Variants in GRIP1 observed in about 807,000 individuals in gnomAD.
GRIP1 encodes glutamate receptor interacting protein 1, also known as glutamate receptor-interacting protein 1.
A neutral mutation model predicts 129.9 loss-of-function variants in GRIP1; 45 were observed. The ratio of observed to expected loss-of-function variants is 0.35; its 90% CI spans 0.27 to 0.44. GRIP1 has a LOEUF of 0.44. GRIP1 is among the 20% of genes least tolerant of loss of function. The probability of loss-of-function intolerance (pLI) is 1.00; values close to 1 mark genes in which losing one functional copy is unlikely to be tolerated. For missense variants in GRIP1, 1,196 were observed against 1,396.8 expected, an observed-to-expected ratio of 0.86 and a Z score of 2.29; for synonymous variants, 530 against 520.8, an observed-to-expected ratio of 1.02 and a Z score of -0.24.
chr12:66,953,201 T>A (rs1360375679), intron 1 of GRIP1, among the ~76,000 whole-genome samples: 1 of 152,178 alleles, frequency 6.6e-6, no homozygotes, highest in Non-Finnish European at 1.5e-5. Context: ...TGTCTACCAT[T>A]TGTCACAAGT....
At chr12:66,870,650 C>T (rs1359849621) in intron 1 of GRIP1, among the ~76,000 whole-genome samples, 1 of 152,022 alleles carries the variant, frequency 6.6e-6, no homozygotes, top group Non-Finnish European at 1.5e-5. Context: ...AATTTGAGCA[C>T]GGACATGAAG....
intron 1 of GRIP1, among the ~76,000 whole-genome samples, chr12:66,914,602 T>C (rs902597042): frequency 6.6e-6 from 1 of 152,190 alleles, no homozygotes; most frequent in African/African-American, 2.4e-5. Context: ...AAATAAGCAT[T>C]ATGATAGGGA....
chr12:66,810,568 AAG>A (rs1304693681), intron 1 of GRIP1, among the ~76,000 whole-genome samples: 2 of 144,782 alleles, frequency 1.4e-5, no homozygotes, highest in Non-Finnish European at 1.5e-5. Flanking sequence ...AAGGAAAAAA[AAG>A]AGTTTTTACT....
intron 1 of GRIP1, among the ~76,000 whole-genome samples, chr12:66,971,478 T>C (rs575942970): frequency 1.3e-5 from 2 of 152,318 alleles, no homozygotes; most frequent in African/African-American, 4.8e-5. Context: ...AGAGAAAAAT[T>C]GATTCACTCA....
At position 66,538,284 on chromosome 12, in the gene GRIP1, C is replaced by T. The variant is rs185706449; in HGVS notation, c.418+794G>A. Among the ~76,000 whole-genome samples the T allele has an allele frequency of 4.6e-5, 7 of 151,838 alleles. No homozygotes were observed. The East Asian group carries it at 9.7e-4, about 21-fold the overall frequency. On this transcript the variant is annotated intron_variant, in intron 4 of 24. Coordinates refer to ENST00000359742, the MANE Select transcript of GRIP1 (RefSeq NM_001366722.1). The stretch of plus-strand genomic sequence containing the variant: ...ACACAATCATAGCTCACTGCAGCCT[C>T]GACCTTCTGGGCTCAAGGAATCCTT...
intron 2 of GRIP1, among the ~76,000 whole-genome samples, chr12:66,569,471 C>T (rs34013266): frequency 0.24 from 35,143 of 149,292 alleles, 4,350 homozygotes; most frequent in Admixed American, 0.27. Flanking sequence ...AGTGAGACTT[C>T]GTCTGAAAAA....
At chr12:67,039,284 A>G (rs2043142045) in intron 1 of GRIP1, among the ~76,000 whole-genome samples, 2 of 152,210 alleles carry the variant, frequency 1.3e-5, no homozygotes, top group Admixed American at 1.3e-4. Flanking sequence ...TCTGAGGAAC[A>G]TGTTTAGGTA....
chr12:66,795,988 T>C (rs2038684809), intron 1 of GRIP1, among the ~76,000 whole-genome samples: 1 of 152,190 alleles, frequency 6.6e-6, no homozygotes, highest in South Asian at 2.1e-4. Flanking sequence ...TCATGCTCAA[T>C]GGATGTTTAG....
chr12:66,964,393 G>C (rs2041966980), intron 1 of GRIP1, among the ~76,000 whole-genome samples: 1 of 152,018 alleles, frequency 6.6e-6, no homozygotes, highest in African/African-American at 2.4e-5. Flanking sequence ...GTGTGCATAT[G>C]AATGGTAATA....
Position 66,353,471 on chromosome 12 carries a change from G to T in GRIP1, c.3105C>A (p.Arg1035=). 2 of 1,612,874 alleles carry T rather than the reference G, an allele frequency of 1.2e-6. No individual in the cohort carries two copies. Among genetic ancestry groups the T allele is most frequent in the Non-Finnish European group, 1.7e-6 (2 of 1,178,910 alleles). ...CACCAAGATCTCCTGGCCCAGCTGG[G>T]CGAATATTTTTGACATACACTCCTT... ...LEKGVYVKNI[R]PAGPGDLGGL... The change falls in exon 24 of 25, where the codon CGC becomes CGA. Residue 1035 remains arginine, a synonymous_variant. Coordinates refer to ENST00000359742, the MANE Select transcript of GRIP1 (RefSeq NM_001366722.1).
chr12:67,011,296 A>G (rs1056651388), intron 1 of GRIP1, among the ~76,000 whole-genome samples: 1 of 152,178 alleles, frequency 6.6e-6, no homozygotes, highest in Admixed American at 6.5e-5. Context: ...ACATGGAAGC[A>G]ACCAGTCCAC....
intron 1 of GRIP1, among the ~76,000 whole-genome samples, chr12:66,843,809 G>T (rs1227179369): frequency 2.4e-5 from 2 of 81,664 alleles, no homozygotes; most frequent in Non-Finnish European, 7.0e-5. Flanking sequence ...AACTTGAAAT[G>T]GATATAATAT....
At chr12:66,904,845 T>C (rs1438387719) in intron 1 of GRIP1, among the ~76,000 whole-genome samples, 1 of 151,780 alleles carries the variant, frequency 6.6e-6, no homozygotes, top group Non-Finnish European at 1.5e-5. Flanking sequence ...TGAGCCAAGA[T>C]TGCGCCACTG....
At position 66,363,150 on chromosome 12, in the gene GRIP1, T is replaced by C. The variant is rs12371321; in HGVS notation, c.3012+8544A>G. 5.3e-5 allele frequency among the ~76,000 whole-genome samples: 7 copies of C among 132,574 alleles called. 1 individual carries two copies. Among genetic ancestry groups the C allele is most frequent in the African/African-American group, 3.0e-5 (1 of 33,612 alleles). 87.0% of individuals were successfully genotyped at this position (132,574 alleles called of 152,430 possible). On this transcript the variant is annotated intron_variant, in intron 23 of 24. Transcript: ENST00000359742. ...ATACACACACACATATACACACACA[T>C]ATATACATATATATACACACACATA...
At chr12:67,059,880 T>C (rs2043501275) in intron 1 of GRIP1, among the ~76,000 whole-genome samples, 1 of 152,140 alleles carries the variant, frequency 6.6e-6, no homozygotes, top group Non-Finnish European at 1.5e-5. Context: ...GTACTGAAAA[T>C]GAGAGTGGGT....
At chr12:66,352,089 T>C (rs1448860046) in intron 24 of GRIP1, among the ~76,000 whole-genome samples, 1 of 152,216 alleles carries the variant, frequency 6.6e-6, no homozygotes, top group Non-Finnish European at 1.5e-5. Context: ...TGAGCACTTT[T>C]ATGTGACAGC....
chr12:66,403,206 G>A (rs565964171), intron 16 of GRIP1, among the ~76,000 whole-genome samples: 1 of 152,268 alleles, frequency 6.6e-6, no homozygotes, highest in South Asian at 2.1e-4. Context: ...TAGTGGTGAA[G>A]CCTGAGATTT....
At chr12:66,966,054 G>C (rs1422346475) in intron 1 of GRIP1, among the ~76,000 whole-genome samples, 1 of 152,084 alleles carries the variant, frequency 6.6e-6, no homozygotes, top group Non-Finnish European at 1.5e-5. Flanking sequence ...AAAAGACAAT[G>C]AATAACATGG....
chr12:66,685,323 TC>T (rs1284414576), intron 1 of GRIP1, among the ~76,000 whole-genome samples: 1 of 152,114 alleles, frequency 6.6e-6, no homozygotes, highest in Non-Finnish European at 1.5e-5. Flanking sequence ...CAAATTTTGT[TC>T]TTTTTTTTTA....
Sources: gnomAD v4.1 joint callset for allele counts (sites outside exome capture counted in the v4.1 genomes callset) on GRCh38, gnomAD v4.1.1 for gene constraint, MANE v1.5 for transcripts, NCBI Gene and HGNC (gene_info 2026-07-23, HGNC 2026-07-21) for gene names.